ARHGEF12: variants seen among roughly 807,000 people sequenced by gnomAD.
The protein encoded by ARHGEF12 is KMT2A/ARHGEF12 fusion protein.
Under a neutral mutation model 211.2 loss-of-function variants are expected in ARHGEF12, and 66 were observed. The observed-to-expected ratio is 0.31, with a 90% CI of 0.26 to 0.38. ARHGEF12 has a LOEUF of 0.38. ARHGEF12 is among the 10% of genes least tolerant of loss of function. ARHGEF12 has a pLI of 1.00. For synonymous variants in ARHGEF12, 592 were observed against 638.4 expected (o/e 0.93, Z 1.09); for missense variants, 1,429 against 1,869.5 (o/e 0.76, Z 4.34).
rs549945371 is a variant in ARHGEF12 at position 120,384,085 on chromosome 11, G to C, written c.33-22033G>C. Among the ~76,000 whole-genome samples, 395 of 152,252 alleles carry C rather than the reference G, an allele frequency of 2.6e-3. 2 individuals carry two copies. Among genetic ancestry groups the C allele is most frequent in the Non-Finnish European group, 4.1e-3 (281 of 68,012 alleles). On this transcript the variant is annotated intron_variant, in intron 1 of 40. Transcript: ENST00000397843. ...GAGAAACTGAGACCTCGGTATAGGTGGAGGAAGTCTAATGATAGCCACAGT... is the reference window on the plus strand; with the variant it reads ...GAGAAACTGAGACCTCGGTATAGGTCGAGGAAGTCTAATGATAGCCACAGT...
chr11:120,474,807 A>G (rs575714684), intron 32 of ARHGEF12, among the ~76,000 whole-genome samples, 172 bp downstream of exon 32: 3 of 152,296 alleles, frequency 2.0e-5, no homozygotes, highest in South Asian at 2.1e-4. Context: ...TATATGTAAG[A>G]TGTGTTAAAT....
At chr11:120,375,311 A>C (rs1943695568) in intron 1 of ARHGEF12, among the ~76,000 whole-genome samples, 1 of 152,188 alleles carries the variant, frequency 6.6e-6, no homozygotes, top group Non-Finnish European at 1.5e-5. Context: ...TCAGAACACC[A>C]GTACAGCTGT....
Position 120,431,589 on chromosome 11 carries a change from C to T in ARHGEF12, c.784-182C>T, listed in dbSNP as rs566824196. Among the ~76,000 whole-genome samples, 11 of 152,132 alleles carry T rather than the reference C, an allele frequency of 7.2e-5. No individual in the cohort carries two copies. In the South Asian group the frequency reaches 1.0e-3, roughly 14 times the overall value. The stretch of plus-strand genomic sequence containing the variant: ...TTAAGGTCATGACATTTTAGAATAC[C>T]GGAATTAGTAGTTATTTATGGATTT... On this transcript the variant is annotated intron_variant, in intron 10 of 40. Coordinates refer to ENST00000397843, the MANE Select transcript of ARHGEF12 (RefSeq NM_015313.3).
chr11:120,360,242 G>A (rs1404362509), intron 1 of ARHGEF12, among the ~76,000 whole-genome samples: 3 of 152,140 alleles, frequency 2.0e-5, no homozygotes, highest in Non-Finnish European at 2.9e-5. Flanking sequence ...AATTAGAGTA[G>A]TCTTGAATAC....
intron 1 of ARHGEF12, among the ~76,000 whole-genome samples, chr11:120,381,875 C>T (rs936220274): frequency 2.0e-5 from 3 of 152,112 alleles, no homozygotes; most frequent in African/African-American, 7.2e-5. Context: ...TTTGCATTTT[C>T]CAGAGTGTTG....
At chr11:120,363,340 C>G (rs559201188) in intron 1 of ARHGEF12, among the ~76,000 whole-genome samples, 2 of 152,170 alleles carry the variant, frequency 1.3e-5, no homozygotes, top group Non-Finnish European at 2.9e-5. Flanking sequence ...GAAATGCCTT[C>G]TTTTTGAGGC....
chr11:120,394,408 C>G (rs970716971), intron 1 of ARHGEF12, among the ~76,000 whole-genome samples: 2 of 151,638 alleles, frequency 1.3e-5, no homozygotes, highest in African/African-American at 4.8e-5. Context: ...GTTGCCCAGA[C>G]TGGTCTCAAA....
chr11:120,385,762 G>T (rs1944011942), intron 1 of ARHGEF12, among the ~76,000 whole-genome samples: 1 of 152,154 alleles, frequency 6.6e-6, no homozygotes, highest in Non-Finnish European at 1.5e-5. Context: ...ATCCAGCATT[G>T]CAAGGATATC....
At chr11:120,438,148 G>A (rs1017486242) in intron 12 of ARHGEF12, among the ~76,000 whole-genome samples, 1 of 152,054 alleles carries the variant, frequency 6.6e-6, no homozygotes, top group Non-Finnish European at 1.5e-5. Context: ...TTACAGTTTT[G>A]TAGTAAAAGA....
intron 1 of ARHGEF12, among the ~76,000 whole-genome samples, chr11:120,357,533 G>A (rs569662655): frequency 6.6e-6 from 1 of 152,252 alleles, no homozygotes; most frequent in Admixed American, 6.5e-5. Context: ...TGTAGTTACT[G>A]GACAGGTAAG....
At position 120,448,279 on chromosome 11, in the gene ARHGEF12, A is replaced by T. The variant is rs1946103666; in HGVS notation, c.1668A>T (p.Gly556=). The stretch of plus-strand genomic sequence containing the variant: ...TTCTCATGTATATGAAGCATTTGGG[A>T]GTAAAAGTGAAAGAGCCTCGAAATT... ...YVILMYMKHL[G]VKVKEPRNLE... Residue 556 remains glycine, a synonymous_variant, in exon 20 of 41, where the codon GGA becomes GGT. Coordinates refer to ENST00000397843, the MANE Select transcript of ARHGEF12 (RefSeq NM_015313.3). 1 of 1,613,984 alleles carries T rather than the reference A, an allele frequency of 6.2e-7. No homozygotes were observed. The highest frequency in any genetic ancestry group is 8.5e-7 in the Non-Finnish European group (1 of 1,179,994).
rs1947463391 is a variant in ARHGEF12 at position 120,488,759 on chromosome 11, T to TTG, written c.*3683_*3684insGT. The TTG allele has an allele frequency of 4.7e-6, 1 of 213,982 alleles. No individual in the cohort carries two copies. Among genetic ancestry groups the TTG allele is most frequent in the Admixed American group, 5.8e-5 (1 of 17,108 alleles). The allele number at this position is 213,982 out of a possible 1,614,324, so 13.3% of individuals were successfully genotyped here. On this transcript the variant is annotated 3_prime_UTR_variant, in exon 41 of 41. Transcript: ENST00000397843. ...TGTTCACCATACAATCATGTACTCT[T>TTG]TAACAGAAATTGCTTTTAAAAAATA...
At chr11:120,376,881 G>A (rs1404964098) in intron 1 of ARHGEF12, among the ~76,000 whole-genome samples, 1 of 152,140 alleles carries the variant, frequency 6.6e-6, no homozygotes, top group African/African-American at 2.4e-5. Flanking sequence ...AAATGAATGA[G>A]AGCATGTGAA....
At chr11:120,354,399 G>A (rs1255334338) in intron 1 of ARHGEF12, among the ~76,000 whole-genome samples, 1 of 152,114 alleles carries the variant, frequency 6.6e-6, no homozygotes, top group Non-Finnish European at 1.5e-5. Context: ...ATTCCAGCTT[G>A]ACACTAACTA....
chr11:120,359,230 A>G (rs1943213393), intron 1 of ARHGEF12, among the ~76,000 whole-genome samples: 1 of 151,836 alleles, frequency 6.6e-6, no homozygotes, highest in Non-Finnish European at 1.5e-5. Context: ...AATGGGGCCC[A>G]TTTTGTTTTT....
In ARHGEF12 at chr11:120,451,575, T is replaced by A; in HGVS notation, c.1907T>A (p.Val636Glu). Residue 636 changes from valine to glutamate, a missense_variant, in exon 22 of 41, where the codon GTG becomes GAG. Physicochemically the swap from Val to Glu is moderately radical, Grantham distance 121. Transcript: ENST00000397843. Reference protein sequence around the residue: ...HPKHLSTPSSVSPEPQDSAKL... With the variant: ...HPKHLSTPSSESPEPQDSAKL... The stretch of plus-strand genomic sequence containing the variant: ...AAGCACTTATCCACACCCTCATCTG[T>A]GAGTCCTGAACCTCAGGACTCTGCC... 2 of 1,614,182 alleles carry A rather than the reference T, an allele frequency of 1.2e-6. No individual in the cohort carries two copies. Among genetic ancestry groups the A allele is most frequent in the Non-Finnish European group, 1.7e-6 (2 of 1,180,026 alleles).
chr11:120,437,112 A>G (rs1446059494), intron 11 of ARHGEF12, among the ~76,000 whole-genome samples, 196 bp from the exon 12 acceptor site: 1 of 152,226 alleles, frequency 6.6e-6, no homozygotes, highest in Non-Finnish European at 1.5e-5. Flanking sequence ...TTATCAATAT[A>G]AAATTGAAAA....
intron 1 of ARHGEF12, among the ~76,000 whole-genome samples, chr11:120,393,380 A>T (rs1484518255): frequency 6.6e-6 from 1 of 152,222 alleles, no homozygotes; most frequent in Non-Finnish European, 1.5e-5. Context: ...AATTAAATGT[A>T]TAGACTATCA....
chr11:120,387,247 G>A (rs992984628), intron 1 of ARHGEF12, among the ~76,000 whole-genome samples: 1 of 151,600 alleles, frequency 6.6e-6, no homozygotes, highest in Non-Finnish European at 1.5e-5. Flanking sequence ...GTGTGTGGTG[G>A]GGGGGGAGGG....
Sources: allele counts gnomAD v4.1 joint callset (sites outside exome capture counted in the v4.1 genomes callset), GRCh38; gene constraint gnomAD v4.1.1; transcripts MANE v1.5; gene names NCBI Gene and HGNC (gene_info 2026-07-23, HGNC 2026-07-21).